ST8SIA6: variants seen among roughly 807,000 people sequenced by gnomAD.
The protein encoded by ST8SIA6 is ST8 alpha-N-acetyl-neuraminide alpha-2,8-sialyltransferase 6.
A neutral mutation model predicts 33.6 loss-of-function variants in ST8SIA6; 39 were observed. That is an observed-to-expected ratio of 1.16 (90% CI 0.90 to 1.52). The LOEUF is 1.52. Ranked by LOEUF, ST8SIA6 falls within the 40% of genes most tolerant of loss-of-function variation. The pLI, the probability that ST8SIA6 is intolerant of heterozygous loss-of-function variation, is 0.00. For synonymous variants in ST8SIA6, 172 were observed against 167.2 expected (o/e 1.03, Z -0.22); for missense variants, 441 against 443.8 (o/e 0.99, Z 0.06).
chr10:17,363,471 C>G (rs1480463221), intron 3 of ST8SIA6, among the ~76,000 whole-genome samples: 1 of 152,126 alleles, frequency 6.6e-6, no homozygotes, highest in African/African-American at 2.4e-5. Context: ...AGTGATGTAA[C>G]CTCTGCAACT....
At chr10:17,419,194 C>T (rs1406375495) in intron 2 of ST8SIA6, among the ~76,000 whole-genome samples, 1 of 151,948 alleles carries the variant, frequency 6.6e-6, no homozygotes, top group African/African-American at 2.4e-5. Context: ...ACCTTTAGTA[C>T]CAGGCTGTAA....
At chr10:17,425,635 G>GGA (rs879672873) in intron 2 of ST8SIA6, among the ~76,000 whole-genome samples, 2,324 of 92,530 alleles carry the variant, frequency 0.025, 74 homozygotes, top group African/African-American at 0.1. Context: ...GAAAGAAAGA[G>GGA]AGGAAGAAAG....
At chr10:17,330,480 T>G (rs1000875496) in intron 5 of ST8SIA6, among the ~76,000 whole-genome samples, 3 of 152,222 alleles carry the variant, frequency 2.0e-5, no homozygotes, top group African/African-American at 4.8e-5. Context: ...CAGTATTTTT[T>G]CTCTATCATT....
intron 3 of ST8SIA6, among the ~76,000 whole-genome samples, chr10:17,360,178 T>C (rs892147200): frequency 1.3e-5 from 2 of 152,140 alleles, no homozygotes; most frequent in African/African-American, 4.8e-5. Flanking sequence ...TCTCCCTGTC[T>C]GAAATTCCAC....
chr10:17,450,997 C>T (rs1034460103), intron 2 of ST8SIA6, among the ~76,000 whole-genome samples: 1 of 152,200 alleles, frequency 6.6e-6, no homozygotes, highest in Non-Finnish European at 1.5e-5. Context: ...CTGGGTTTCA[C>T]TCCAGGCTCC....
At chr10:17,422,902 A>G (rs1326987763) in intron 2 of ST8SIA6, among the ~76,000 whole-genome samples, 2 of 152,262 alleles carry the variant, frequency 1.3e-5, no homozygotes, top group African/African-American at 2.4e-5. Flanking sequence ...GATAGAAAGG[A>G]TAGAAATTAT....
chr10:17,376,731 T>C (rs1332314652), intron 3 of ST8SIA6, among the ~76,000 whole-genome samples: 3 of 152,130 alleles, frequency 2.0e-5, no homozygotes, highest in Non-Finnish European at 4.4e-5. Flanking sequence ...AGTGATAAGA[T>C]GGCTATAAAG....
chr10:17,349,321 G>A (rs745589776), intron 4 of ST8SIA6, among the ~76,000 whole-genome samples: 5 of 152,176 alleles, frequency 3.3e-5, no homozygotes, highest in Admixed American at 6.5e-5. Flanking sequence ...AACTATTATA[G>A]CATTATTGCT....
At chr10:17,368,635 C>A (rs1849639122) in intron 3 of ST8SIA6, among the ~76,000 whole-genome samples, 2 of 151,812 alleles carry the variant, frequency 1.3e-5, no homozygotes, top group African/African-American at 4.8e-5. Flanking sequence ...GAAGCCCTCA[C>A]TGAGAGGTGG....
intron 2 of ST8SIA6, among the ~76,000 whole-genome samples, chr10:17,421,300 T>C (rs1229618316): frequency 6.6e-6 from 1 of 152,210 alleles, no homozygotes; most frequent in African/African-American, 2.4e-5. Context: ...TGCTGCTTAG[T>C]CCTGTTTCCC....
chr10:17,359,976 T>G lies in ST8SIA6; in HGVS notation c.291-376A>C, dbSNP rs545665887. ...GTACTCAATAGATTTTTTCAGACTC[T>G]AAGTTCACATATTTACCTTGGAATG... On this transcript the variant is annotated intron_variant, in intron 3 of 7. Transcript: ENST00000377602. Among the ~76,000 whole-genome samples, 4 of 152,140 alleles carry G rather than the reference T, an allele frequency of 2.6e-5. 1 individual carries two copies. The South Asian group carries it at 8.3e-4, about 31-fold the overall frequency.
chr10:17,323,301 C>T, intron 6 of ST8SIA6, 144 bp from the exon 7 acceptor site: 1 of 468,680 alleles, frequency 2.1e-6, no homozygotes, highest in South Asian at 5.7e-5. Flanking sequence ...TATTGAGACC[C>T]TCAGAATCCA....
intron 3 of ST8SIA6, among the ~76,000 whole-genome samples, chr10:17,388,910 G>T (rs892233740): frequency 6.6e-6 from 1 of 152,170 alleles, no homozygotes. Flanking sequence ...TAGGGGTCAT[G>T]CAGACTCTGG....
chr10:17,392,724 T>C (rs996571751), intron 2 of ST8SIA6, among the ~76,000 whole-genome samples: 1 of 152,188 alleles, frequency 6.6e-6, no homozygotes, highest in Non-Finnish European at 1.5e-5. Flanking sequence ...CTCCTTTTGC[T>C]TGTCAGGATA....
intron 1 of ST8SIA6, 68 bp from the exon 2 acceptor site, chr10:17,453,725 G>C (rs1052415364): frequency 4.2e-6 from 5 of 1,183,144 alleles, no homozygotes; most frequent in Admixed American, 4.2e-5. Context: ...AAGGCTGGGA[G>C]TCGCGCTCCT....
intron 4 of ST8SIA6, among the ~76,000 whole-genome samples, chr10:17,337,301 T>A (rs1260647539): frequency 6.6e-6 from 1 of 152,152 alleles, no homozygotes; most frequent in Non-Finnish European, 1.5e-5. Context: ...TTACCCCATC[T>A]CGGTTATTTC....
chr10:17,328,969 C>T (rs1432168952), intron 5 of ST8SIA6, among the ~76,000 whole-genome samples: 1 of 152,098 alleles, frequency 6.6e-6, no homozygotes, highest in Non-Finnish European at 1.5e-5. Context: ...AGGCACATCG[C>T]CCTTGTCAAA....
chr10:17,387,292 C>T (rs973701311), intron 3 of ST8SIA6, among the ~76,000 whole-genome samples: 3 of 151,694 alleles, frequency 2.0e-5, no homozygotes, highest in Non-Finnish European at 4.4e-5. Flanking sequence ...GCTCTCGTCA[C>T]CCGGGCTGGA....
intron 4 of ST8SIA6, among the ~76,000 whole-genome samples, chr10:17,355,661 T>TAGA (rs1231311931): frequency 6.6e-6 from 1 of 152,212 alleles, no homozygotes; most frequent in East Asian, 1.9e-4. Flanking sequence ...TTTCATTCAT[T>TAGA]ATGCTGTCCG....
Sources: allele counts gnomAD v4.1 joint callset (sites outside exome capture counted in the v4.1 genomes callset), GRCh38; gene constraint gnomAD v4.1.1; transcripts MANE v1.5; gene names NCBI Gene and HGNC (gene_info 2026-07-23, HGNC 2026-07-21).